Variants in RORA observed in about 807,000 individuals in gnomAD.
RORA encodes RAR related orphan receptor A.
Under a neutral mutation model 69.5 loss-of-function variants are expected in RORA, and 7 were observed. That is an observed-to-expected ratio of 0.10 (90% CI 0.06 to 0.19). The LOEUF (loss-of-function observed/expected upper bound fraction) is 0.19. Among genes scored for constraint, RORA ranks in the 10% least tolerant of loss-of-function variants. The pLI, the probability that RORA is intolerant of heterozygous loss-of-function variation, is 1.00. For synonymous variants in RORA, 261 were observed against 240.8 expected, an observed-to-expected ratio of 1.08 and a Z score of -0.78; for missense variants, 457 against 663.0, an observed-to-expected ratio of 0.69 and a Z score of 3.41.
intron 1 of RORA, among the ~76,000 whole-genome samples, chr15:61,048,052 A>T (rs185105630): frequency 6.6e-6 from 1 of 152,348 alleles, no homozygotes; most frequent in African/African-American, 2.4e-5. Context: ...CACCTAAAAG[A>T]GGCTACCAGC....
At chr15:60,573,718 C>G (rs1028258311) in intron 2 of RORA, among the ~76,000 whole-genome samples, 10 of 152,238 alleles carry the variant, frequency 6.6e-5, no homozygotes, top group African/African-American at 2.4e-4. Flanking sequence ...AATAACCTTC[C>G]TTTGCTTCAA....
intron 1 of RORA, among the ~76,000 whole-genome samples, chr15:61,065,066 A>T (rs764647304): frequency 1.3e-4 from 20 of 152,206 alleles, no homozygotes; most frequent in Non-Finnish European, 2.2e-4. Flanking sequence ...TCACAAATTA[A>T]CAATAGTGTT....
rs542032847 is a variant in RORA at position 60,905,230 on chromosome 15, G to A, written c.167-226544C>T. Among the ~76,000 whole-genome samples the A allele has an allele frequency of 1.3e-5, 2 of 152,062 alleles. No homozygotes were observed. The highest frequency in any genetic ancestry group is 2.9e-5 in the Non-Finnish European group (2 of 68,020). On this transcript the variant is annotated intron_variant, in intron 1 of 10. Coordinates refer to ENST00000335670, the MANE Select transcript of RORA (RefSeq NM_134261.3). This position sits in a 1 kb window ranked among gnomAD's most constrained non-coding sequence, Gnocchi z 4.8. ...TCTTGACCATTTCCCTTAGCCACTGGGCAACCAATGTCTCCTTCTGAACAG... is the reference window on the plus strand; with the variant it reads ...TCTTGACCATTTCCCTTAGCCACTGAGCAACCAATGTCTCCTTCTGAACAG...
At chr15:61,014,163 CACTA>C (rs1312470554) in intron 1 of RORA, among the ~76,000 whole-genome samples, 3 of 152,212 alleles carry the variant, frequency 2.0e-5, no homozygotes, top group Non-Finnish European at 4.4e-5. Context: ...CCAGTTAAAT[CACTA>C]ACTGTGAACA....
At chr15:61,173,934 T>G (rs546287179) in intron 1 of RORA, among the ~76,000 whole-genome samples, 3 of 152,240 alleles carry the variant, frequency 2.0e-5, no homozygotes, top group Non-Finnish European at 4.4e-5. Context: ...ATCTGTGGTA[T>G]GCACACTGGG....
intron 2 of RORA, among the ~76,000 whole-genome samples, chr15:60,562,889 T>A (rs980744237): frequency 1.2e-4 from 19 of 152,314 alleles, no homozygotes; most frequent in Admixed American, 7.2e-4. Flanking sequence ...TAGCTTATGT[T>A]ATTTAAATAT....
At chr15:60,656,444 G>A (rs2070223371) in intron 2 of RORA, among the ~76,000 whole-genome samples, 2 of 152,160 alleles carry the variant, frequency 1.3e-5, no homozygotes, top group Admixed American at 1.3e-4. Flanking sequence ...ACTAGACAAA[G>A]TAAACAGCAG....
rs984681169 is a variant in RORA at position 60,497,160 on chromosome 15, C to G, written c.*295G>C. 14 of 246,080 alleles carry G rather than the reference C, an allele frequency of 5.7e-5. No individual in the cohort carries two copies. The highest frequency in any genetic ancestry group is 2.9e-4 in the African/African-American group (13 of 44,634). 15.2% of individuals were successfully genotyped at this position (246,080 alleles called of 1,614,324 possible). On this transcript the variant is annotated 3_prime_UTR_variant, in exon 11 of 11. Coordinates refer to ENST00000335670, the MANE Select transcript of RORA (RefSeq NM_134261.3). ...CAGTGAGCTACAAGAAAAGGAAATC[C>G]TCCGACTTTAGTACCCTCCTCCTGT...
intron 2 of RORA, among the ~76,000 whole-genome samples, chr15:60,621,482 A>G (rs2069406177): frequency 6.6e-6 from 1 of 152,184 alleles, no homozygotes; most frequent in South Asian, 2.1e-4. Flanking sequence ...AGCAGCCTGC[A>G]CAGGCTTGCA....
chr15:60,651,639 CAA>C (rs1313541698), intron 2 of RORA, among the ~76,000 whole-genome samples: 1 of 152,028 alleles, frequency 6.6e-6, no homozygotes, highest in African/African-American at 2.4e-5. Context: ...ACATCAATAC[CAA>C]AAAGGCTTCC....
chr15:60,843,107 C>T (rs1051056916), intron 1 of RORA, among the ~76,000 whole-genome samples: 2 of 152,264 alleles, frequency 1.3e-5, no homozygotes, highest in Non-Finnish European at 2.9e-5. Context: ...TGGGTTCTGC[C>T]GCTCTCCCTC....
chr15:60,869,071 T>C (rs1245217484), intron 1 of RORA, among the ~76,000 whole-genome samples: 1 of 152,148 alleles, frequency 6.6e-6, no homozygotes. Context: ...TATTTTACAG[T>C]ATTTTGATGG....
At chr15:60,859,053 G>A (rs377581566) in intron 1 of RORA, among the ~76,000 whole-genome samples, 11 of 151,524 alleles carry the variant, frequency 7.3e-5, no homozygotes, top group African/African-American at 2.2e-4. Context: ...ACAGAAAGAC[G>A]TTGAGCTTAC....
intron 1 of RORA, among the ~76,000 whole-genome samples, chr15:60,920,895 T>C (rs1892023378): frequency 6.6e-6 from 1 of 152,230 alleles, no homozygotes; most frequent in Admixed American, 6.5e-5. Context: ...GGAGTTCTTT[T>C]CTTGCATTAA....
intron 1 of RORA, among the ~76,000 whole-genome samples, chr15:60,914,653 G>A (rs994116590): frequency 6.6e-6 from 1 of 152,132 alleles, no homozygotes; most frequent in South Asian, 2.1e-4. Flanking sequence ...TAAAACCACA[G>A]TGTCCCGGAA....
At chr15:60,625,220 C>T (rs1308698169) in intron 2 of RORA, among the ~76,000 whole-genome samples, 1 of 152,064 alleles carries the variant, frequency 6.6e-6, no homozygotes, top group Non-Finnish European at 1.5e-5. Context: ...AAAACAACAA[C>T]AACAACAGAA....
At position 60,671,067 on chromosome 15, in the gene RORA, G is replaced by GATATATATATATATATATATATATATAT. The variant is rs10577286; in HGVS notation, c.196+7562_196+7589dup. 9.2e-4 allele frequency among the ~76,000 whole-genome samples: 113 copies of GATATATATATATATATATATATATATAT among 122,228 alleles called. 1 individual carries two copies. The highest frequency in any genetic ancestry group is 2.9e-3 in the African/African-American group (72 of 24,566). The allele number at this position is 122,228 out of a possible 152,430, so 80.2% of individuals were successfully genotyped here. ...TCTTATATCTCCTATATATCCCATTGATATATATATATATATATATATATA... is the reference window on the plus strand; with the variant it reads ...TCTTATATCTCCTATATATCCCATTGATATATATATATATATATATATATATATATATATATATATATATATATATATA... On this transcript the variant is annotated intron_variant, in intron 2 of 10. Coordinates refer to ENST00000335670, the MANE Select transcript of RORA (RefSeq NM_134261.3).
chr15:60,735,514 C>A (rs1228626093), intron 1 of RORA, among the ~76,000 whole-genome samples: 1 of 151,784 alleles, frequency 6.6e-6, no homozygotes, highest in East Asian at 1.9e-4. Context: ...TGAAATAAAA[C>A]CAGATGCGCT....
At chr15:61,205,143 C>G (rs927773910) in intron 1 of RORA, among the ~76,000 whole-genome samples, 1 of 152,080 alleles carries the variant, frequency 6.6e-6, no homozygotes, top group South Asian at 2.1e-4. Context: ...GAGAAGAGTC[C>G]ATGGTAATAA....
Sources: allele counts gnomAD v4.1 joint callset (sites outside exome capture counted in the v4.1 genomes callset), GRCh38; gene constraint gnomAD v4.1.1; non-coding constraint Gnocchi (gnomAD v3.1); transcripts MANE v1.5; gene names NCBI Gene and HGNC (gene_info 2026-07-23, HGNC 2026-07-21).